The following GKAP1 variants were observed in gnomAD, a reference collection of about 807,000 sequenced individuals.
The protein encoded by GKAP1 is G kinase-anchoring protein 1.
GKAP1 carries 31 observed loss-of-function variants against 56.7 expected under a neutral mutation model. The observed-to-expected ratio is 0.55, with a 90% CI of 0.41 to 0.74. GKAP1 has a LOEUF of 0.74. Among genes scored for constraint, GKAP1 ranks in the 30% least tolerant of loss-of-function variants. The pLI is 0.00. For synonymous variants in GKAP1, 151 were observed against 138.6 expected (o/e 1.09, Z -0.63); for missense variants, 364 against 402.3 (o/e 0.90, Z 0.82).
At chr9:83,810,426 T>C (rs1038348220) in intron 2 of GKAP1, among the ~76,000 whole-genome samples, 2 of 152,266 alleles carry the variant, frequency 1.3e-5, no homozygotes, top group Admixed American at 6.5e-5. Context: ...TGAAGTTTTA[T>C]AGAAATTCAA....
At chr9:83,788,479 T>C in intron 5 of GKAP1, 122 bp downstream of exon 5, 1 of 566,490 alleles carries the variant, frequency 1.8e-6, no homozygotes, top group Non-Finnish European at 3.1e-6. Flanking sequence ...AATATTTTAT[T>C]ATGGTAATGA....
At chr9:83,767,041 A>G (rs1181398165) in intron 8 of GKAP1, among the ~76,000 whole-genome samples, 1 of 152,202 alleles carries the variant, frequency 6.6e-6, no homozygotes, top group Non-Finnish European at 1.5e-5. Flanking sequence ...AGGGTCAAGA[A>G]CAGGTTTATA....
At chr9:83,817,191 AGGGAGCGC>A (rs1944625288) in intron 1 of GKAP1, 64 bp from the exon 2 acceptor site, 1 of 150,356 alleles carries the variant, frequency 6.7e-6, no homozygotes, top group Non-Finnish European at 1.5e-5. Context: ...GCTCCCCGGG[AGGGAGCGC>A]GGGCGCCAGC....
chr9:83,748,208 T>G lies in GKAP1; in HGVS notation c.904+101A>C. On this transcript the variant is annotated intron_variant, in intron 10 of 12. Coordinates refer to ENST00000376371, the MANE Select transcript of GKAP1 (RefSeq NM_025211.4). ...TAACTATAGTCACCCTATTGTGCTA[T>G]CAAACACTTTTGTTGAGTTGGTAAA... The G allele has an allele frequency of 5.6e-6, 4 of 717,428 alleles. No homozygotes were observed. In the South Asian group the frequency reaches 7.1e-5, roughly 13 times the overall value. 44.4% of individuals were successfully genotyped at this position (717,428 alleles called of 1,614,324 possible). A position where few individuals can be genotyped will look rare whatever the true frequency, so the allele number is the denominator to read the frequency against.
chr9:83,783,174 A>G (rs1944006113), intron 6 of GKAP1, among the ~76,000 whole-genome samples: 1 of 152,166 alleles, frequency 6.6e-6, no homozygotes. Flanking sequence ...TGCTATGGTA[A>G]TATTTATCCT....
chr9:83,770,870 T>C (rs2131270681), intron 7 of GKAP1, among the ~76,000 whole-genome samples: 1 of 152,172 alleles, frequency 6.6e-6, no homozygotes, highest in Non-Finnish European at 1.5e-5. Flanking sequence ...TTACATTACG[T>C]TTTAAAATAA....
intron 9 of GKAP1, chr9:83,748,754 T>C (rs55644512): frequency 0.18 from 26,921 of 153,334 alleles, 2,920 homozygotes; most frequent in Non-Finnish European, 0.24. Flanking sequence ...TCTGGCAATA[T>C]ACTAGGACTT....
chr9:83,746,393 A>G (rs991721307), intron 10 of GKAP1, among the ~76,000 whole-genome samples: 9 of 152,114 alleles, frequency 5.9e-5, no homozygotes, highest in Non-Finnish European at 1.3e-4. Context: ...ATATCCTTCT[A>G]TATGCTTTAA....
At chr9:83,788,032 C>T (rs1220559584) in intron 5 of GKAP1, among the ~76,000 whole-genome samples, 2 of 152,188 alleles carry the variant, frequency 1.3e-5, no homozygotes, top group East Asian at 1.9e-4. Context: ...AATCCCAGCA[C>T]TTTGGGAGGC....
chr9:83,755,483 A>G (rs1316256799), intron 8 of GKAP1, among the ~76,000 whole-genome samples: 1 of 152,166 alleles, frequency 6.6e-6, no homozygotes, highest in African/African-American at 2.4e-5. Context: ...TACTGAGTAA[A>G]TAATCATGGA....
chr9:83,774,698 C>T (rs13301582), intron 7 of GKAP1, among the ~76,000 whole-genome samples: 2 of 71,448 alleles, frequency 2.8e-5, no homozygotes, highest in African/African-American at 8.8e-5. Flanking sequence ...TAAACAGAAA[C>T]CCCCTTTTTT....
Position 83,771,764 on chromosome 9 carries a change from A to G in GKAP1, c.586-2794T>C, listed in dbSNP as rs79229102. Reference sequence around the variant, plus strand: ...ATATTCTTGTAAGATTTTATTTTACAGCAATAAATACAGAAATGCTAAAAA... The same window carrying G: ...ATATTCTTGTAAGATTTTATTTTACGGCAATAAATACAGAAATGCTAAAAA... On this transcript the variant is annotated intron_variant, in intron 7 of 12. Transcript: ENST00000376371. 3.8e-3 allele frequency among the ~76,000 whole-genome samples: 575 copies of G among 152,360 alleles called. 5 individuals are homozygous for G. Among genetic ancestry groups the G allele is most frequent in the African/African-American group, 0.013 (550 of 41,586 alleles).
chr9:83,742,657 A>C (rs764252255), intron 10 of GKAP1, 57 bp from the exon 11 acceptor site: 4 of 1,077,894 alleles, frequency 3.7e-6, no homozygotes, highest in Non-Finnish European at 5.7e-6. Flanking sequence ...ATACTTCAAC[A>C]ATACTTCAGG....
intron 8 of GKAP1, among the ~76,000 whole-genome samples, chr9:83,761,737 A>G (rs1350938340): frequency 6.6e-6 from 1 of 152,206 alleles, no homozygotes; most frequent in Non-Finnish European, 1.5e-5. Context: ...CCAGGAATGC[A>G]AGGCTGGTTC....
chr9:83,761,520 T>C (rs1226105630), intron 8 of GKAP1, among the ~76,000 whole-genome samples: 1 of 152,152 alleles, frequency 6.6e-6, no homozygotes, highest in Non-Finnish European at 1.5e-5. Flanking sequence ...ACTCAAACTA[T>C]TCTGACAAAA....
intron 2 of GKAP1, among the ~76,000 whole-genome samples, chr9:83,816,013 C>A (rs1158688239): frequency 7.1e-6 from 1 of 140,758 alleles, no homozygotes; most frequent in Non-Finnish European, 1.5e-5. Context: ...AGGCGAAACA[C>A]CGTCTGTATT....
intron 7 of GKAP1, among the ~76,000 whole-genome samples, chr9:83,770,531 A>G (rs964668918): frequency 1.3e-5 from 2 of 151,900 alleles, no homozygotes; most frequent in Non-Finnish European, 2.9e-5. Context: ...CTTGATTATT[A>G]TAGTTTTATG....
At chr9:83,755,860 G>A (rs944996319) in intron 8 of GKAP1, among the ~76,000 whole-genome samples, 3 of 145,018 alleles carry the variant, frequency 2.1e-5, no homozygotes, top group Admixed American at 7.1e-5. Context: ...GCTAGAGTAC[G>A]GTGGTGTGAT....
chr9:83,805,875 G>A (rs1273907232), intron 3 of GKAP1, among the ~76,000 whole-genome samples: 4 of 152,192 alleles, frequency 2.6e-5, no homozygotes, highest in Non-Finnish European at 5.9e-5. Context: ...CCAACCCTTT[G>A]GGAGGCTGAG....
Sources: allele counts gnomAD v4.1 joint callset (sites outside exome capture counted in the v4.1 genomes callset), GRCh38; gene constraint gnomAD v4.1.1; transcripts MANE v1.5; gene names NCBI Gene and HGNC (gene_info 2026-07-23, HGNC 2026-07-21).